The following CNTNAP2 variants were observed in gnomAD, a reference collection of about 807,000 sequenced individuals.
CNTNAP2 encodes contactin associated protein 2, also known as contactin-associated protein-like 2.
A neutral mutation model predicts 155.2 loss-of-function variants in CNTNAP2; 98 were observed. That is an observed-to-expected ratio of 0.63 (90% CI 0.54 to 0.75). The LOEUF (loss-of-function observed/expected upper bound fraction) is 0.75, where lower values mean the gene tolerates loss of function less well. CNTNAP2 is among the 30% of genes least tolerant of loss of function. The probability of loss-of-function intolerance (pLI) is 0.00; values close to 1 mark genes in which losing one functional copy is unlikely to be tolerated. For missense variants in CNTNAP2, 1,727 were observed against 1,688.1 expected, an observed-to-expected ratio of 1.02 and a Z score of -0.40; for synonymous variants, 651 against 631.2, an observed-to-expected ratio of 1.03 and a Z score of -0.47.
chr7:147,005,808 C>A (rs1049452534), intron 3 of CNTNAP2, among the ~76,000 whole-genome samples: 1 of 151,954 alleles, frequency 6.6e-6, no homozygotes, highest in African/African-American at 2.4e-5. Flanking sequence ...AAAAGAGTAA[C>A]TTCTACTTCA....
intron 1 of CNTNAP2, among the ~76,000 whole-genome samples, chr7:146,558,025 G>GTT (rs1798222189): frequency 6.6e-6 from 1 of 152,136 alleles, no homozygotes; most frequent in African/African-American, 2.4e-5. Flanking sequence ...CAACCTTTGT[G>GTT]TTTTTTAGTA....
At chr7:147,299,663 T>G (rs899612) in intron 8 of CNTNAP2, among the ~76,000 whole-genome samples, 1 of 151,994 alleles carries the variant, frequency 6.6e-6, no homozygotes, top group Non-Finnish European at 1.5e-5. Flanking sequence ...AAAGACAGAC[T>G]TTAGATAAAA....
intron 1 of CNTNAP2, among the ~76,000 whole-genome samples, chr7:146,316,726 G>A (rs762356916): frequency 3.3e-5 from 5 of 151,690 alleles, no homozygotes; most frequent in Admixed American, 6.6e-5. Flanking sequence ...TGTCCTGTAT[G>A]ACAGAAGTTT....
intron 15 of CNTNAP2, among the ~76,000 whole-genome samples, chr7:148,027,103 G>A (rs899914851): frequency 6.6e-6 from 1 of 152,150 alleles, no homozygotes; most frequent in African/African-American, 2.4e-5. Flanking sequence ...TCACACGACT[G>A]TGTGTGAGAA....
chr7:147,849,959 G>C (rs1798897091), intron 13 of CNTNAP2: 1 of 152,234 alleles, frequency 6.6e-6, no homozygotes, highest in Non-Finnish European at 1.5e-5. Context: ...ACATGGATGG[G>C]AGAAGAGATA....
At chr7:146,292,214 C>T (rs1800440143) in intron 1 of CNTNAP2, among the ~76,000 whole-genome samples, 1 of 152,068 alleles carries the variant, frequency 6.6e-6, no homozygotes, top group African/African-American at 2.4e-5. Flanking sequence ...TGTTGTTCCC[C>T]TCCCTTTGTG....
At position 147,437,877 on chromosome 7, in the gene CNTNAP2, A is replaced by G. The variant is rs149953757; in HGVS notation, c.1670+42097A>G. ...TCCTATTCAATTTCTTTCGTGTTTT[A>G]TACTTTTCATTATAGAGATCTTTCA... On this transcript the variant is annotated intron_variant, in intron 10 of 23. Coordinates refer to ENST00000361727, the MANE Select transcript of CNTNAP2 (RefSeq NM_014141.6). 1.2e-4 allele frequency among the ~76,000 whole-genome samples: 18 copies of G among 152,142 alleles called. No homozygotes were observed. The East Asian group carries it at 1.9e-3, about 16-fold the overall frequency.
At chr7:146,266,140 GAGA>G (rs1044793628) in intron 1 of CNTNAP2, among the ~76,000 whole-genome samples, 2 of 152,188 alleles carry the variant, frequency 1.3e-5, no homozygotes, top group African/African-American at 4.8e-5. Flanking sequence ...AATGCAAGGA[GAGA>G]AGATTAGCAA....
intron 17 of CNTNAP2, among the ~76,000 whole-genome samples, chr7:148,169,340 TA>T (rs1805731977): frequency 6.6e-6 from 1 of 152,196 alleles, no homozygotes; most frequent in South Asian, 2.1e-4. Context: ...TCTCATACCC[TA>T]CTGGTGAATT....
At chr7:148,210,531 G>C (rs1165110055) in intron 18 of CNTNAP2, among the ~76,000 whole-genome samples, 5 of 152,244 alleles carry the variant, frequency 3.3e-5, no homozygotes, top group African/African-American at 1.2e-4. Context: ...AGCCATAGCT[G>C]ATTGATGTGT....
rs565241455 is a variant in CNTNAP2 at position 147,824,210 on chromosome 7, G to T, written c.2099-79355G>T. On this transcript the variant is annotated intron_variant, in intron 13 of 23. Transcript: ENST00000361727. ...AAAAGGCTGAAATAATATTTTTCCGGTTTCTGGAATTCTTAAGCTTGCATT... is the reference window on the plus strand; with the variant it reads ...AAAAGGCTGAAATAATATTTTTCCGTTTTCTGGAATTCTTAAGCTTGCATT... Among the ~76,000 whole-genome samples the T allele has an allele frequency of 2.4e-4, 36 of 152,216 alleles. No individual in the cohort carries two copies. In the South Asian group the frequency reaches 7.3e-3, roughly 31 times the overall value.
chr7:147,287,465 T>C (rs1805206450), intron 8 of CNTNAP2, among the ~76,000 whole-genome samples: 1 of 152,076 alleles, frequency 6.6e-6, no homozygotes, highest in South Asian at 2.1e-4. Context: ...GGAGCTTAAC[T>C]AAAGTTTAGT....
intron 11 of CNTNAP2, among the ~76,000 whole-genome samples, chr7:147,501,585 A>C (rs1798813784): frequency 6.6e-6 from 1 of 152,192 alleles, no homozygotes; most frequent in Non-Finnish European, 1.5e-5. Context: ...CTGAACTAGC[A>C]ATATGTGGTT....
intron 3 of CNTNAP2, among the ~76,000 whole-genome samples, chr7:146,863,039 CTTA>C (rs1222472197): frequency 6.6e-6 from 1 of 152,032 alleles, no homozygotes; most frequent in Non-Finnish European, 1.5e-5. Flanking sequence ...AATGAGTGAT[CTTA>C]TTAATTTGGG....
At chr7:146,949,600 CATAATT>C (rs1205838969) in intron 3 of CNTNAP2, among the ~76,000 whole-genome samples, 1 of 152,142 alleles carries the variant, frequency 6.6e-6, no homozygotes, top group Non-Finnish European at 1.5e-5. Flanking sequence ...ATTATTTAGT[CATAATT>C]ATTTCTGGGA....
chr7:147,148,732 A>C (rs1433763438), intron 8 of CNTNAP2, among the ~76,000 whole-genome samples: 1 of 152,178 alleles, frequency 6.6e-6, no homozygotes, highest in Non-Finnish European at 1.5e-5. Flanking sequence ...ACAGCTGTTA[A>C]AGGTGGCACA....
chr7:147,668,958 C>CT (rs367897163), intron 13 of CNTNAP2, among the ~76,000 whole-genome samples: 81 of 150,794 alleles, frequency 5.4e-4, no homozygotes, highest in East Asian at 2.5e-3. Flanking sequence ...TATAGGTGTG[C>CT]TTTTTTTTTA....
intron 19 of CNTNAP2, among the ~76,000 whole-genome samples, chr7:148,225,190 A>G (rs1448205353): frequency 9.9e-5 from 15 of 152,224 alleles, no homozygotes; most frequent in Admixed American, 9.8e-4. Context: ...CAGACAATAA[A>G]CAAATTGGTA....
At chr7:146,984,551 C>A (rs1383221177) in intron 3 of CNTNAP2, among the ~76,000 whole-genome samples, 1 of 151,758 alleles carries the variant, frequency 6.6e-6, no homozygotes, top group Non-Finnish European at 1.5e-5. Context: ...GGCTATAAGA[C>A]AATGTCATTT....
Sources: allele counts gnomAD v4.1 joint callset (sites outside exome capture counted in the v4.1 genomes callset), GRCh38; gene constraint gnomAD v4.1.1; transcripts MANE v1.5; gene names NCBI Gene and HGNC (gene_info 2026-07-23, HGNC 2026-07-21).